Variants in TRIM56 observed in about 807,000 individuals in gnomAD.
TRIM56 encodes tripartite motif containing 56.
TRIM56 carries 10 observed loss-of-function variants against 17.1 expected under a neutral mutation model. The ratio of observed to expected loss-of-function variants is 0.58; its 90% CI spans 0.36 to 0.99. The LOEUF (loss-of-function observed/expected upper bound fraction) is 0.99, where lower values mean the gene tolerates loss of function less well. TRIM56 is among the 50% of genes least tolerant of loss of function. The pLI is 0.01. For missense variants in TRIM56, 923 were observed against 1,052.3 expected (o/e 0.88, Z 1.70); for synonymous variants, 503 against 473.5 (o/e 1.06, Z -0.81).
chr7:101,096,132 C>G lies in TRIM56; in HGVS notation c.*6552C>G, dbSNP rs967706166. On this transcript the variant is annotated 3_prime_UTR_variant, in exon 3 of 3. Transcript: ENST00000306085. ...TGAGCCCGGGAGGCAGGGGTTGCAG[C>G]GAGCTGAGATCGTACCACTGCACTC... 1 of 151,246 alleles carries G rather than the reference C, an allele frequency of 6.6e-6. No homozygotes were observed. The highest frequency in any genetic ancestry group is 2.4e-5 in the African/African-American group (1 of 41,114). 9.4% of individuals were successfully genotyped at this position (151,246 alleles called of 1,614,324 possible).
Position 101,089,644 on chromosome 7 carries a change from C to A in TRIM56, c.*64C>A. On this transcript the variant is annotated 3_prime_UTR_variant, in exon 3 of 3. Transcript: ENST00000306085. ...AGGGCAGGAAGGAGGCAGAGCTGTC[C>A]GTGGGAGGTGGAGGCCGAGGACATT... The A allele has an allele frequency of 2.0e-6, 3 of 1,466,266 alleles. No homozygotes were observed. The highest frequency in any genetic ancestry group is 1.3e-5 in the South Asian group (1 of 75,728). The allele number at this position is 1,466,266 out of a possible 1,614,324, so 90.8% of individuals were successfully genotyped here. A position where few individuals can be genotyped will look rare whatever the true frequency, so the allele number is the denominator to read the frequency against.
In TRIM56 at chr7:101,088,317, G is replaced by T. The variant is rs1458257111; in HGVS notation, c.1005G>T (p.Leu335=). Residue 335 remains leucine (L), a synonymous_variant, in exon 3 of 3, where the codon CTG becomes CTT. Transcript: ENST00000306085. ...EGAIAQRLRQ[L]QGCPWAPGPA... ...CGATCGCACAGCGGCTCAGGCAGCT[G>T]CAGGGCTGCCCCTGGGCACCAGGCC... The T allele has an allele frequency of 1.3e-6, 2 of 1,527,818 alleles. No individual in the cohort carries two copies. The highest frequency in any genetic ancestry group is 2.1e-5 in the Admixed American group (1 of 47,332). 94.6% of individuals were successfully genotyped at this position (1,527,818 alleles called of 1,614,324 possible).
Position 101,094,953 on chromosome 7 carries a change from T to C in TRIM56, c.*5373T>C, listed in dbSNP as rs1046090488. 6.6e-6 allele frequency: 1 copy of C among 151,510 alleles called. No homozygotes were observed. The highest frequency in any genetic ancestry group is 2.4e-5 in the African/African-American group (1 of 41,154). The allele number at this position is 151,510 out of a possible 1,614,324, so 9.4% of individuals were successfully genotyped here. ...ATTACTATCTAGACAAGGATGAGAC[T>C]GGTATGACTCTCCAAAGCTTTCCCA... On this transcript the variant is annotated 3_prime_UTR_variant, in exon 3 of 3. Coordinates refer to ENST00000306085, the MANE Select transcript of TRIM56 (RefSeq NM_030961.3).
chr7:101,087,332 C>G lies in TRIM56; in HGVS notation c.20C>G (p.Ser7Trp), dbSNP rs762987156. ...TGCAGCATGGTTTCCCACGGGTCCTCGCCCTCCCTCCTGGAGGCCCTGAGC... is the reference window on the plus strand; with the variant it reads ...TGCAGCATGGTTTCCCACGGGTCCTGGCCCTCCCTCCTGGAGGCCCTGAGC... MVSHGS[S>W]PSLLEALSSD... Residue 7 changes from serine (S) to tryptophan (W), a missense_variant, in exon 3 of 3, where the codon TCG (serine) becomes TGG (tryptophan). Physicochemically the swap from Ser to Trp is radical, Grantham distance 177 (BLOSUM62 -3). Around this residue, in one of 3 missense-constraint regions of TRIM56, gnomAD observed 98 missense variants for 143.6 expected, o/e 0.68. Coordinates refer to ENST00000306085, the MANE Select transcript of TRIM56 (RefSeq NM_030961.3). 6 of 1,612,472 alleles carry G rather than the reference C, an allele frequency of 3.7e-6. No individual in the cohort carries two copies. Among genetic ancestry groups the G allele is most frequent in the Non-Finnish European group, 5.1e-6 (6 of 1,179,616 alleles).
In TRIM56 at chr7:101,087,495, G is replaced by A. The variant is rs778188310; in HGVS notation, c.183G>A (p.Glu61=). 2 of 1,613,626 alleles carry A rather than the reference G, an allele frequency of 1.2e-6. No homozygotes were observed. The highest frequency in any genetic ancestry group is 1.7e-6 in the Non-Finnish European group (2 of 1,179,848). The change falls in exon 3 of 3, where the codon GAG becomes GAA. Residue 61 remains glutamate (E), a synonymous_variant. Coordinates refer to ENST00000306085, the MANE Select transcript of TRIM56 (RefSeq NM_030961.3). ...GGRVRCPECR[E]TVPVPPEGVA... ...GCGTCCGCTGCCCCGAGTGCCGCGA[G>A]ACAGTGCCTGTGCCGCCCGAGGGTG...
chr7:101,088,516 A>T lies in TRIM56; in HGVS notation c.1204A>T (p.Thr402Ser). Residue 402 changes from threonine (T) to serine (S), a missense_variant, in exon 3 of 3, where the codon ACT becomes TCT. Physicochemically the swap from Thr to Ser is moderately conservative, Grantham distance 58. Around this residue, in one of 3 missense-constraint regions of TRIM56, gnomAD observed 643 missense variants for 665.6 expected, o/e 0.97. Coordinates refer to ENST00000306085, the MANE Select transcript of TRIM56 (RefSeq NM_030961.3). ...GAGCCGGAGGGAGGATGAGCCGAAG[A>T]CTGAGAGACAGGGTGGAGTCCAGCC... ...SQSRREDEPK[T>S]ERQGGVQPQA... The T allele has an allele frequency of 6.2e-7, 1 of 1,613,816 alleles. No homozygotes were observed. The highest frequency in any genetic ancestry group is 8.5e-7 in the Non-Finnish European group (1 of 1,179,860).
Position 101,087,466 on chromosome 7 carries a change from G to T in TRIM56, c.154G>T (p.Gly52Cys). Residue 52 changes from glycine to cysteine, a missense_variant, in exon 3 of 3, where the codon GGC becomes TGC. Around this residue, in one of 3 missense-constraint regions of TRIM56, gnomAD observed 98 missense variants for 143.6 expected, o/e 0.68. Coordinates refer to ENST00000306085, the MANE Select transcript of TRIM56 (RefSeq NM_030961.3). ...CTGCCTGGCACAGCTGGCGGATGGC[G>T]GCCGCGTCCGCTGCCCCGAGTGCCG... Reference protein sequence around the residue: ...QDCLAQLADGGRVRCPECRET... With the variant: ...QDCLAQLADGCRVRCPECRET... The T allele has an allele frequency of 6.2e-7, 1 of 1,613,332 alleles. No homozygotes were observed.
In TRIM56 at chr7:101,094,791, C is replaced by G. The variant is rs934298752; in HGVS notation, c.*5211C>G. ...AAACCAAGTGGAGTTTCTACAGGAC[C>G]AACTAGAATAGGGATCAGCTACATG... is the stretch of plus-strand genomic sequence containing the variant. On this transcript the variant is annotated 3_prime_UTR_variant, in exon 3 of 3. Coordinates refer to ENST00000306085, the MANE Select transcript of TRIM56 (RefSeq NM_030961.3). 1.6e-5 allele frequency: 2 copies of G among 124,164 alleles called. No individual in the cohort carries two copies. The highest frequency in any genetic ancestry group is 3.1e-5 in the Non-Finnish European group (2 of 64,126). The allele number at this position is 124,164 out of a possible 1,614,324, so 7.7% of individuals were successfully genotyped here. A position where few individuals can be genotyped will look rare whatever the true frequency, so the allele number is the denominator to read the frequency against.
chr7:101,089,883 G>C lies in TRIM56; in HGVS notation c.*303G>C, dbSNP rs1176310648. The C allele has an allele frequency of 3.1e-6, 1 of 326,844 alleles. No individual in the cohort carries two copies. The highest frequency in any genetic ancestry group is 6.0e-6 in the Non-Finnish European group (1 of 167,170). The allele number at this position is 326,844 out of a possible 1,614,324, so 20.2% of individuals were successfully genotyped here. On this transcript the variant is annotated 3_prime_UTR_variant, in exon 3 of 3. Transcript: ENST00000306085. ...CCACCGCCGCTGCTATATAGTTTAG[G>C]TTTCTGAGGTTTGTGAGCCTGTCCT...
chr7:101,096,431 A>G lies in TRIM56; in HGVS notation c.*6851A>G, dbSNP rs1205033391. The G allele has an allele frequency of 6.6e-6, 1 of 152,158 alleles. No homozygotes were observed. The highest frequency in any genetic ancestry group is 1.5e-5 in the Non-Finnish European group (1 of 68,042). 9.4% of individuals were successfully genotyped at this position (152,158 alleles called of 1,614,324 possible). ...TCTTGGTGTCAAGAAATGGGAAGAG[A>G]ATGAGGGAGCAGAGACCTGGGTTGA... is the stretch of plus-strand genomic sequence containing the variant. On this transcript the variant is annotated 3_prime_UTR_variant, in exon 3 of 3. Transcript: ENST00000306085.
In TRIM56 at chr7:101,097,046, C is replaced by G. The variant is rs1009055966; in HGVS notation, c.*7466C>G. On this transcript the variant is annotated 3_prime_UTR_variant, in exon 3 of 3. Transcript: ENST00000306085. ...TATCATTTGGAAAGGGAGTAGCTCT[C>G]CTTCTATTTTAGCCTTATTATTACG... The G allele has an allele frequency of 6.6e-6, 1 of 152,222 alleles. No individual in the cohort carries two copies. The highest frequency in any genetic ancestry group is 6.5e-5 in the Admixed American group (1 of 15,280). 9.4% of individuals were successfully genotyped at this position (152,222 alleles called of 1,614,324 possible).
Position 101,089,105 on chromosome 7 carries a change from C to T in TRIM56, c.1793C>T (p.Pro598Leu). The change falls in exon 3 of 3, where the codon CCT (proline) becomes CTT (leucine). Residue 598 changes from proline to leucine, a missense_variant. This residue lies in a region of TRIM56 where 182 missense variants were observed against 243.1 expected (regional missense o/e 0.75). Transcript: ENST00000306085. ...GCCAGCCACGCGGTGGCGGCACTGC[C>T]TAGCGGGGACCGCGTGGCTGTCAGC... ...SQASHAVAAL[P>L]SGDRVAVSVA... The T allele has an allele frequency of 1.9e-6, 3 of 1,604,132 alleles. No homozygotes were observed. The highest frequency in any genetic ancestry group is 2.5e-6 in the Non-Finnish European group (3 of 1,177,856).
rs1795518506 is a variant in TRIM56, at chr7:101,089,129, G to C, written c.1817G>C (p.Ser606Thr). The change falls in exon 3 of 3, where the codon AGC (serine) becomes ACC (threonine). Residue 606 changes from serine (S) to threonine (T), a missense_variant. Transcript: ENST00000306085. The stretch of plus-strand genomic sequence containing the variant: ...CCTAGCGGGGACCGCGTGGCTGTCA[G>C]CGTGGCGGGCCACGTGGAGGTGTAC... ...ALPSGDRVAV[S>T]VAGHVEVYNM... is the part of the protein sequence containing the mutation. The C allele has an allele frequency of 6.2e-7, 1 of 1,606,986 alleles. No homozygotes were observed. Among genetic ancestry groups the C allele is most frequent in the Non-Finnish European group, 8.5e-7 (1 of 1,178,444 alleles).
rs1348842778 is a variant in TRIM56 at position 101,089,584 on chromosome 7, G to A, written c.*4G>A. The A allele has an allele frequency of 6.2e-7, 1 of 1,610,880 alleles. No homozygotes were observed. Among genetic ancestry groups the A allele is most frequent in the Non-Finnish European group, 8.5e-7 (1 of 1,177,848 alleles). On this transcript the variant is annotated 3_prime_UTR_variant, in exon 3 of 3. Coordinates refer to ENST00000306085, the MANE Select transcript of TRIM56 (RefSeq NM_030961.3). ...GGTCCGTTCTCCGGACAGTTAAAGG[G>A]GCTAGGACTAGGGTGAGAGGGAGTG... is the stretch of plus-strand genomic sequence containing the variant.
At position 101,087,963 on chromosome 7, in the gene TRIM56, G is replaced by A; in HGVS notation, c.651G>A (p.Glu217=). Residue 217 remains glutamate (E), a synonymous_variant, in exon 3 of 3, where the codon GAG becomes GAA. Transcript: ENST00000306085. The part of the protein sequence containing the change: ...EAVRARRPGL[E]GLLAGVDNNL... ...TGCGTGCCCGGAGGCCGGGCCTGGA[G>A]GGACTGCTGGCCGGTGTGGACAATA... The A allele has an allele frequency of 1.3e-6, 2 of 1,596,614 alleles. No individual in the cohort carries two copies. The highest frequency in any genetic ancestry group is 1.7e-6 in the Non-Finnish European group (2 of 1,177,046).
chr7:101,093,563 CTCACACCTGTAA>C lies in TRIM56; in HGVS notation c.*3986_*3997del. On this transcript the variant is annotated 3_prime_UTR_variant, in exon 3 of 3. Transcript: ENST00000306085. ...AAAAAAGAAAGGCTGGACGCGGTGG[CTCACACCTGTAA>C]TCCCAGCACTTTGGGAGGCTGAGGT... 6.6e-6 allele frequency: 1 copy of C among 151,492 alleles called. No individual in the cohort carries two copies. The highest frequency in any genetic ancestry group is 6.6e-5 in the Admixed American group (1 of 15,208). The allele number at this position is 151,492 out of a possible 1,614,324, so 9.4% of individuals were successfully genotyped here. A position where few individuals can be genotyped will look rare whatever the true frequency, so the allele number is the denominator to read the frequency against.
rs770211319 is a variant in TRIM56 at position 101,088,385 on chromosome 7, T to C, written c.1073T>C (p.Leu358Pro). 1.3e-6 allele frequency: 2 copies of C among 1,584,518 alleles called. No individual in the cohort carries two copies. Among genetic ancestry groups the C allele is most frequent in the Non-Finnish European group, 1.7e-6 (2 of 1,165,104 alleles). ...LLPQLELHPG[L>P]LDKNCHLLRL... ...CCACAGCTGGAGCTCCATCCTGGGC[T>C]CCTGGACAAGAACTGCCACCTTCTT... Residue 358 changes from leucine to proline, a missense_variant, in exon 3 of 3, where the codon CTC (leucine) becomes CCC (proline). Coordinates refer to ENST00000306085, the MANE Select transcript of TRIM56 (RefSeq NM_030961.3).
rs1584890970 is a variant in TRIM56 at position 101,089,585 on chromosome 7, G to T, written c.*5G>T. ...GTCCGTTCTCCGGACAGTTAAAGGG[G>T]CTAGGACTAGGGTGAGAGGGAGTGG... On this transcript the variant is annotated 3_prime_UTR_variant, in exon 3 of 3. Coordinates refer to ENST00000306085, the MANE Select transcript of TRIM56 (RefSeq NM_030961.3). 6.2e-7 allele frequency: 1 copy of T among 1,610,504 alleles called. No individual in the cohort carries two copies. The highest frequency in any genetic ancestry group is 8.5e-7 in the Non-Finnish European group (1 of 1,177,618).
Position 101,089,354 on chromosome 7 carries a change from C to T in TRIM56, c.2042C>T (p.Pro681Leu), listed in dbSNP as rs765207026. ...GGGCCAGGCCTGCATGGCTGCCAGCCGGGCTCCGTGTCTGTGGATAAGAAG... is the reference window on the plus strand; with the variant it reads ...GGGCCAGGCCTGCATGGCTGCCAGCTGGGCTCCGTGTCTGTGGATAAGAAG... ...YKGPGLHGCQPGSVSVDKKGY... is the reference protein window; with the variant it reads ...YKGPGLHGCQLGSVSVDKKGY... Residue 681 changes from proline to leucine, a missense_variant, in exon 3 of 3, where the codon CCG becomes CTG. Around this residue, in one of 3 missense-constraint regions of TRIM56, gnomAD observed 182 missense variants for 243.1 expected, o/e 0.75. Transcript: ENST00000306085. 10 of 1,608,548 alleles carry T rather than the reference C, an allele frequency of 6.2e-6. No individual in the cohort carries two copies. Among genetic ancestry groups the T allele is most frequent in the Admixed American group, 5.0e-5 (3 of 59,796 alleles).
Sources: gnomAD v4.1 joint callset for allele counts on GRCh38, gnomAD v4.1.1 for gene constraint, gnomAD v4.1.1 regional missense constraint, MANE v1.5 for transcripts, NCBI Gene and HGNC (gene_info 2026-07-23, HGNC 2026-07-21) for gene names.